CCM2: variants seen among roughly 807,000 people sequenced by gnomAD.
CCM2 encodes the protein cerebral cavernous malformations 2 protein.
In CCM2, 25 loss-of-function variants were observed where a neutral mutation model predicts 44.9. The ratio of observed to expected loss-of-function variants is 0.56; its 90% CI spans 0.41 to 0.78. CCM2 has a LOEUF of 0.78. CCM2 is among the 30% of genes least tolerant of loss of function. The probability of loss-of-function intolerance (pLI) is 0.00; values close to 1 mark genes in which losing one functional copy is unlikely to be tolerated. For missense variants in CCM2, 481 were observed against 580.6 expected (o/e 0.83, Z 1.76); for synonymous variants, 219 against 241.1 (o/e 0.91, Z 0.85).
At chr7:45,056,538 A>G (rs977940688) in intron 2 of CCM2, among the ~76,000 whole-genome samples, 3 of 152,178 alleles carry the variant, frequency 2.0e-5, no homozygotes, top group African/African-American at 7.2e-5. Context: ...GTGAAGTGGT[A>G]TTTCATTACG....
chr7:45,024,135 C>T (rs1796597412), intron 1 of CCM2, among the ~76,000 whole-genome samples: 1 of 152,126 alleles, frequency 6.6e-6, no homozygotes, highest in African/African-American at 2.4e-5. Context: ...GAATTTAGTT[C>T]TGGGTGTTTT....
At chr7:45,016,576 C>T (rs541781055) in intron 1 of CCM2, among the ~76,000 whole-genome samples, 75 of 150,086 alleles carry the variant, frequency 5.0e-4, no homozygotes, top group Admixed American at 8.7e-4. Context: ...GTGATCCACC[C>T]GCCTCAGCCT....
chr7:45,071,746 A>G, intron 6 of CCM2: 3 of 456,478 alleles, frequency 6.6e-6, no homozygotes, highest in Non-Finnish European at 1.3e-5. Flanking sequence ...CTCTGTCTTC[A>G]CAGCCAGCCA....
intron 2 of CCM2, among the ~76,000 whole-genome samples, chr7:45,044,427 C>T (rs896192623): frequency 6.8e-4 from 103 of 152,336 alleles, no homozygotes; most frequent in African/African-American, 2.2e-3. Flanking sequence ...TAAGCCACCA[C>T]GTCTGGCCCA....
chr7:45,064,378 C>A, intron 3 of CCM2, 85 bp from the exon 4 acceptor site: 1 of 1,336,684 alleles, frequency 7.5e-7, no homozygotes, highest in Non-Finnish European at 1.1e-6. Context: ...TGTGTGACAT[C>A]GGCCAGCACA....
chr7:45,000,391 C>G (rs1208465714), intron 1 of CCM2, 28 bp downstream of exon 1: 57 of 1,200,952 alleles, frequency 4.7e-5, no homozygotes, highest in Non-Finnish European at 5.7e-5. Flanking sequence ...CGTCCTACTG[C>G]TGTGGTCGGC....
chr7:45,072,679 C>G, intron 6 of CCM2, 47 bp from the exon 7 acceptor site: 1 of 1,467,892 alleles, frequency 6.8e-7, no homozygotes, highest in Non-Finnish European at 9.5e-7. Context: ...AATGCCTCCC[C>G]ACTATGTCCC....
At chr7:45,012,979 T>G (rs1796124558) in intron 1 of CCM2, among the ~76,000 whole-genome samples, 1 of 152,226 alleles carries the variant, frequency 6.6e-6, no homozygotes. Flanking sequence ...TTCTGCCTTT[T>G]AATTGTGAAG....
intron 1 of CCM2, among the ~76,000 whole-genome samples, chr7:45,019,523 C>T (rs534188126): frequency 3.4e-4 from 51 of 152,230 alleles, no homozygotes; most frequent in African/African-American, 1.2e-3. Flanking sequence ...GATTAAGCCC[C>T]TTTAACTTGG....
At chr7:45,069,560 C>G (rs1798952595) in intron 5 of CCM2, among the ~76,000 whole-genome samples, 1 of 152,238 alleles carries the variant, frequency 6.6e-6, no homozygotes, top group Admixed American at 6.5e-5. Context: ...GGACTGGCAG[C>G]TAACACTTGT....
intron 1 of CCM2, among the ~76,000 whole-genome samples, chr7:45,014,711 T>A (rs1796196059): frequency 6.8e-6 from 1 of 146,262 alleles, no homozygotes; most frequent in Non-Finnish European, 1.5e-5. Context: ...AACCTCCACC[T>A]CCTGGGTTTA....
intron 1 of CCM2, among the ~76,000 whole-genome samples, chr7:45,000,565 C>T (rs956008141): frequency 1.3e-5 from 2 of 152,066 alleles, no homozygotes; most frequent in African/African-American, 2.4e-5. Flanking sequence ...CCGCGCCTTT[C>T]CTCTGGCCCG....
intron 3 of CCM2, among the ~76,000 whole-genome samples, 166 bp from the exon 4 acceptor site, chr7:45,064,297 A>C (rs968090983): frequency 6.6e-6 from 1 of 152,316 alleles, no homozygotes; most frequent in East Asian, 1.9e-4. Context: ...GTTTGAACAC[A>C]TTGGTGTCCC....
intron 2 of CCM2, among the ~76,000 whole-genome samples, chr7:45,063,596 C>A (rs1340386904): frequency 6.6e-6 from 1 of 152,226 alleles, no homozygotes; most frequent in Non-Finnish European, 1.5e-5. Context: ...AAAACCCTGA[C>A]CATCCCTGTT....
At chr7:45,056,045 A>G (rs562055709) in intron 2 of CCM2, among the ~76,000 whole-genome samples, 7 of 152,300 alleles carry the variant, frequency 4.6e-5, no homozygotes, top group Admixed American at 1.3e-4. Flanking sequence ...ATAATATTTC[A>G]TTGTATGTGT....
At chr7:45,051,873 T>TG (rs1562894760) in intron 2 of CCM2, among the ~76,000 whole-genome samples, 2 of 147,130 alleles carry the variant, frequency 1.4e-5, no homozygotes. Flanking sequence ...GCCTGGCTAA[T>TG]TTTTTGTATT....
chr7:45,033,249 G>A (rs1382785998), intron 1 of CCM2, among the ~76,000 whole-genome samples: 1 of 152,090 alleles, frequency 6.6e-6, no homozygotes, highest in East Asian at 1.9e-4. Context: ...ATTGTAGGAC[G>A]GGGGAGCGCC....
chr7:45,017,089 A>T (rs967753871), intron 1 of CCM2, among the ~76,000 whole-genome samples: 1 of 152,214 alleles, frequency 6.6e-6, no homozygotes, highest in Non-Finnish European at 1.5e-5. Flanking sequence ...TTTTTAAAAG[A>T]ACTTTTAGGT....
intron 2 of CCM2, among the ~76,000 whole-genome samples, chr7:45,055,787 G>C (rs1157334089): frequency 6.6e-6 from 1 of 152,192 alleles, no homozygotes; most frequent in Non-Finnish European, 1.5e-5. Context: ...TCCATCTCCA[G>C]AGCTTCCCAC....
Sources: gnomAD v4.1 joint callset for allele counts (sites outside exome capture counted in the v4.1 genomes callset) on GRCh38, gnomAD v4.1.1 for gene constraint, MANE v1.5 for transcripts, NCBI Gene and HGNC (gene_info 2026-07-23, HGNC 2026-07-21) for gene names.